YAP1: variants seen among roughly 807,000 people sequenced by gnomAD.
YAP1 encodes the protein Yes1 associated transcriptional regulator, also known as transcriptional coactivator YAP1.
YAP1 carries 5 observed loss-of-function variants against 56.9 expected under a neutral mutation model. That is an observed-to-expected ratio of 0.09 (90% CI 0.05 to 0.18). The LOEUF (loss-of-function observed/expected upper bound fraction) is 0.18. Among genes scored for constraint, YAP1 ranks in the 10% least tolerant of loss-of-function variants. The probability of loss-of-function intolerance (pLI) is 1.00; values close to 1 mark genes in which losing one functional copy is unlikely to be tolerated. For synonymous variants in YAP1, 265 were observed against 248.1 expected (o/e 1.07, Z -0.64); for missense variants, 539 against 651.8 (o/e 0.83, Z 1.88).
intron 3 of YAP1, among the ~76,000 whole-genome samples, chr11:102,184,048 GC>G (rs1337503653): frequency 6.9e-6 from 1 of 144,912 alleles, no homozygotes; most frequent in East Asian, 2.1e-4. Context: ...CTGCACTCCA[GC>G]CTGGGCGACA....
intron 2 of YAP1, among the ~76,000 whole-genome samples, chr11:102,158,637 A>G (rs1248500279): frequency 6.6e-6 from 1 of 152,178 alleles, no homozygotes; most frequent in African/African-American, 2.4e-5. Context: ...AAACCTTATC[A>G]CAGTACCAGT....
At chr11:102,157,095 C>T (rs1945999022) in intron 2 of YAP1, among the ~76,000 whole-genome samples, 1 of 152,204 alleles carries the variant, frequency 6.6e-6, no homozygotes, top group South Asian at 2.1e-4. Context: ...AACTCATTAA[C>T]AGCCTTCAGT....
chr11:102,123,069 G>T (rs919622114), intron 2 of YAP1, among the ~76,000 whole-genome samples: 1 of 151,846 alleles, frequency 6.6e-6, no homozygotes, highest in Non-Finnish European at 1.5e-5. Flanking sequence ...GCTATTTCTT[G>T]AATTTTCATC....
At chr11:102,197,890 G>C (rs1028897663) in intron 4 of YAP1, among the ~76,000 whole-genome samples, 7 of 152,114 alleles carry the variant, frequency 4.6e-5, no homozygotes, top group African/African-American at 1.7e-4. Flanking sequence ...TTGCCTGCTT[G>C]TGAGGTCTCT....
intron 2 of YAP1, among the ~76,000 whole-genome samples, chr11:102,160,394 C>T (rs181085360): frequency 1.1e-3 from 172 of 152,288 alleles, no homozygotes; most frequent in African/African-American, 3.9e-3. Flanking sequence ...CCGCCATAAC[C>T]AGTTTATCTC....
intron 6 of YAP1, among the ~76,000 whole-genome samples, chr11:102,214,273 G>GA (rs1949558817): frequency 6.6e-6 from 1 of 152,188 alleles, no homozygotes; most frequent in African/African-American, 2.4e-5. Context: ...GGCAACTACT[G>GA]AATAATGTGT....
chr11:102,210,791 T>C (rs894932385), intron 6 of YAP1, among the ~76,000 whole-genome samples: 1 of 152,310 alleles, frequency 6.6e-6, no homozygotes, highest in East Asian at 1.9e-4. Context: ...TTCGCTCTGT[T>C]GCCGAGGCTG....
chr11:102,190,573 T>C (rs1000083940), intron 4 of YAP1, among the ~76,000 whole-genome samples: 2 of 150,040 alleles, frequency 1.3e-5, no homozygotes, highest in Non-Finnish European at 3.0e-5. Context: ...TTGCAGTGAG[T>C]GAATATCATG....
At chr11:102,210,294 A>T (rs1458882058) in intron 6 of YAP1, among the ~76,000 whole-genome samples, 2 of 152,194 alleles carry the variant, frequency 1.3e-5, no homozygotes, top group African/African-American at 4.8e-5. Flanking sequence ...GGATCATTCT[A>T]CTTCTCTTGG....
chr11:102,111,674 T>C (rs1438058429), intron 1 of YAP1, among the ~76,000 whole-genome samples: 2 of 152,196 alleles, frequency 1.3e-5, no homozygotes, highest in African/African-American at 4.8e-5. Flanking sequence ...GTTTGTGAAG[T>C]TGAGCCCTGG....
At position 102,231,450 on chromosome 11, in the gene YAP1, G is replaced by T. The variant is rs1950432502; in HGVS notation, c.*1510G>T. Reference sequence around the variant, plus strand: ...ATTGACCCTGGATAGAATACTATAAGGTTTTGAGTTAGCTGGAAAAGTGAT... The same window carrying T: ...ATTGACCCTGGATAGAATACTATAATGTTTTGAGTTAGCTGGAAAAGTGAT... On this transcript the variant is annotated 3_prime_UTR_variant, in exon 9 of 9. Transcript: ENST00000282441. The T allele has an allele frequency of 6.6e-6, 1 of 152,460 alleles. No homozygotes were observed. Among genetic ancestry groups the T allele is most frequent in the Non-Finnish European group, 1.5e-5 (1 of 68,024 alleles). 9.4% of individuals were successfully genotyped at this position (152,460 alleles called of 1,614,324 possible).
chr11:102,125,242 G>A lies in YAP1; in HGVS notation c.572+10848G>A, dbSNP rs191822861. On this transcript the variant is annotated intron_variant, in intron 2 of 8. Coordinates refer to ENST00000282441, the MANE Select transcript of YAP1 (RefSeq NM_001130145.3). ...TTACCATGTTGCCCAGGCTGGTGTC[G>A]AACTCCTGGGCTCAAATGATCCACC... 9.0e-4 allele frequency among the ~76,000 whole-genome samples: 136 copies of A among 151,714 alleles called. 1 individual carries two copies. Among genetic ancestry groups the A allele is most frequent in the Middle Eastern group, 3.4e-3 (1 of 292 alleles).
At chr11:102,206,098 G>GCCTTCCACT in intron 5 of YAP1, 24 bp downstream of exon 5, 1 of 1,591,864 alleles carries the variant, frequency 6.3e-7, no homozygotes, top group Non-Finnish European at 8.6e-7. Flanking sequence ...TTAGAAACCA[G>GCCTTCCACT]CCTTCCACTT....
At chr11:102,179,355 A>G (rs898897525) in intron 3 of YAP1, among the ~76,000 whole-genome samples, 20 of 152,146 alleles carry the variant, frequency 1.3e-4, no homozygotes, top group Non-Finnish European at 2.4e-4. Context: ...AATGTGTATT[A>G]TCCATTCTCA....
At chr11:102,193,305 C>A (rs552879858) in intron 4 of YAP1, among the ~76,000 whole-genome samples, 1 of 152,172 alleles carries the variant, frequency 6.6e-6, no homozygotes, top group African/African-American at 2.4e-5. Flanking sequence ...TAGTTCCACA[C>A]TTGAGCTCTG....
chr11:102,146,675 TA>T (rs1400662777), intron 2 of YAP1, among the ~76,000 whole-genome samples: 1 of 152,214 alleles, frequency 6.6e-6, no homozygotes, highest in East Asian at 1.9e-4. Flanking sequence ...CTAATATGTC[TA>T]TTTTTTACAT....
At chr11:102,157,986 C>T (rs896608935) in intron 2 of YAP1, among the ~76,000 whole-genome samples, 9 of 152,070 alleles carry the variant, frequency 5.9e-5, no homozygotes, top group Admixed American at 2.6e-4. Flanking sequence ...CTATTTATAA[C>T]GTTTGTAGAT....
chr11:102,206,368 A>G (rs1056758574), intron 5 of YAP1, among the ~76,000 whole-genome samples: 1 of 152,212 alleles, frequency 6.6e-6, no homozygotes, highest in Admixed American at 6.5e-5. Context: ...TCTCTAATGT[A>G]CATGGAATTG....
At chr11:102,198,615 C>T (rs1320269306) in intron 4 of YAP1, among the ~76,000 whole-genome samples, 1 of 152,086 alleles carries the variant, frequency 6.6e-6, no homozygotes, top group Non-Finnish European at 1.5e-5. Flanking sequence ...GGGCTATTTT[C>T]TAGCAGGTTT....
Sources: gnomAD v4.1 joint callset for allele counts (sites outside exome capture counted in the v4.1 genomes callset) on GRCh38, gnomAD v4.1.1 for gene constraint, MANE v1.5 for transcripts, NCBI Gene and HGNC (gene_info 2026-07-23, HGNC 2026-07-21) for gene names.